The following PEAK1 variants were observed in gnomAD, a reference collection of about 807,000 sequenced individuals.
The protein encoded by PEAK1 is pseudopodium enriched atypical kinase 1.
A neutral mutation model predicts 124.7 loss-of-function variants in PEAK1; 54 were observed. The observed-to-expected ratio is 0.43, with a 90% CI of 0.35 to 0.54. The LOEUF (loss-of-function observed/expected upper bound fraction) is 0.54, where lower values mean the gene tolerates loss of function less well. Among genes scored for constraint, PEAK1 ranks in the 20% least tolerant of loss-of-function variants. The pLI, the probability that PEAK1 is intolerant of heterozygous loss-of-function variation, is 0.01. For missense variants in PEAK1, 2,046 were observed against 2,134.5 expected, an observed-to-expected ratio of 0.96 and a Z score of 0.82; for synonymous variants, 719 against 760.0, an observed-to-expected ratio of 0.95 and a Z score of 0.89.
chr15:77,323,153 A>G (rs1214616041), intron 2 of PEAK1, among the ~76,000 whole-genome samples: 4 of 152,334 alleles, frequency 2.6e-5, no homozygotes, highest in East Asian at 1.9e-4. Flanking sequence ...AGAGCTATCT[A>G]TGACAAACCC....
At chr15:77,403,929 G>T (rs2071586723) in intron 1 of PEAK1, 1 of 975,954 alleles carries the variant, frequency 1.0e-6, no homozygotes, top group African/African-American at 1.8e-5. Flanking sequence ...AGGTTCAGGG[G>T]ATACATTTAC....
At chr15:77,289,662 C>T (rs2063112311) in intron 2 of PEAK1, among the ~76,000 whole-genome samples, 3 of 152,094 alleles carry the variant, frequency 2.0e-5, no homozygotes, top group African/African-American at 7.2e-5. Context: ...ATGGTGAAAT[C>T]CCATCTCTAC....
At chr15:77,302,482 T>C (rs2063837728) in intron 2 of PEAK1, among the ~76,000 whole-genome samples, 2 of 152,186 alleles carry the variant, frequency 1.3e-5, no homozygotes, top group African/African-American at 2.4e-5. Context: ...ATTTTCTTAA[T>C]TGTTCAATTC....
rs191129317 is a variant in PEAK1, at chr15:77,356,962, G to T, written c.-603+8201C>A. On this transcript the variant is annotated intron_variant, in intron 2 of 9. Transcript: ENST00000682557. ...ATGGAAAAATCTCCAAGATACAGAA[G>T]TAAGTTTAAGAAGCAAAAAGTAGGC... 1.5e-4 allele frequency among the ~76,000 whole-genome samples: 23 copies of T among 152,340 alleles called. No homozygotes were observed. In the East Asian group the frequency reaches 3.7e-3, roughly 24 times the overall value.
intron 6 of PEAK1, among the ~76,000 whole-genome samples, chr15:77,251,958 G>T (rs1239951573): frequency 6.6e-6 from 1 of 152,200 alleles, no homozygotes; most frequent in Non-Finnish European, 1.5e-5. Flanking sequence ...AGCAGTCAAA[G>T]AGCTGTGATA....
intron 7 of PEAK1, among the ~76,000 whole-genome samples, chr15:77,176,150 C>T (rs912596808): frequency 1.3e-5 from 2 of 150,102 alleles, no homozygotes; most frequent in African/African-American, 4.9e-5. Flanking sequence ...ATACCTAATG[C>T]TAAATGACGA....
intron 6 of PEAK1, among the ~76,000 whole-genome samples, chr15:77,225,623 C>T (rs1389355207): frequency 2.4e-5 from 3 of 122,810 alleles, no homozygotes; most frequent in African/African-American, 8.9e-5. Context: ...GCAAGACTTT[C>T]TACAGATGTG....
intron 2 of PEAK1, among the ~76,000 whole-genome samples, chr15:77,361,787 T>C (rs754580781): frequency 2.6e-5 from 4 of 152,066 alleles, no homozygotes; most frequent in Non-Finnish European, 5.9e-5. Context: ...GTGTTTACTG[T>C]AGCACTACTG....
At chr15:77,304,195 A>C (rs1373589899) in intron 2 of PEAK1, among the ~76,000 whole-genome samples, 1 of 152,176 alleles carries the variant, frequency 6.6e-6, no homozygotes, top group East Asian at 1.9e-4. Flanking sequence ...CTTTAGAATC[A>C]GTTTGTTGAC....
At chr15:77,115,776 T>C (rs2051316260) in intron 9 of PEAK1, among the ~76,000 whole-genome samples, 1 of 152,166 alleles carries the variant, frequency 6.6e-6, no homozygotes, top group Non-Finnish European at 1.5e-5. Context: ...GAGACCAAAA[T>C]ACCTTATTTC....
rs139357433 is a variant in PEAK1 at position 77,120,806 on chromosome 15, T to G, written c.4078-5487A>C. On this transcript the variant is annotated intron_variant, in intron 9 of 9. Transcript: ENST00000682557. ...TCCCTTTCCAGTCCTACTTCCCACC[T>G]GTGTTCCATTTGCTCTTACTATATT... Among the ~76,000 whole-genome samples, 388 of 152,348 alleles carry G rather than the reference T, an allele frequency of 2.5e-3. 2 individuals are homozygous for G. Among genetic ancestry groups the G allele is most frequent in the African/African-American group, 8.6e-3 (359 of 41,586 alleles).
chr15:77,346,078 CACA>C (rs2066857878), intron 2 of PEAK1: 1 of 985,382 alleles, frequency 1.0e-6, no homozygotes, highest in Non-Finnish European at 1.2e-6. Context: ...TAATCGAAGG[CACA>C]ACGACTATGC....
Position 77,182,464 on chromosome 15 carries a change from G to A in PEAK1, c.-114-424C>T, listed in dbSNP as rs552131433. ...CTCAATGCATTGAAAATGAAGCTTC[G>A]GGGCTGGGTGCAGTGGCTCATGCCT... On this transcript the variant is annotated intron_variant, in intron 6 of 9. Transcript: ENST00000682557. Among the ~76,000 whole-genome samples the A allele has an allele frequency of 1.4e-3, 210 of 151,870 alleles. 1 individual carries two copies. Among genetic ancestry groups the A allele is most frequent in the African/African-American group, 4.9e-3 (201 of 41,418 alleles).
chr15:77,195,577 C>T (rs1262806728), intron 6 of PEAK1, among the ~76,000 whole-genome samples: 1 of 152,140 alleles, frequency 6.6e-6, no homozygotes, highest in East Asian at 1.9e-4. Context: ...CTCTTGACTT[C>T]TTTTGTTCTA....
chr15:77,203,152 G>A lies in PEAK1; in HGVS notation c.-114-21112C>T, dbSNP rs116532270. On this transcript the variant is annotated intron_variant, in intron 6 of 9. Transcript: ENST00000682557. ...TCTTAATGTTGAGTAGGCTGAGGAG[G>A]AGGAAGAAGAGTAGGGGTTGGTTTT... Among the ~76,000 whole-genome samples, 1,109 of 152,240 alleles carry A rather than the reference G, an allele frequency of 7.3e-3. 15 individuals carry two copies. The highest frequency in any genetic ancestry group is 0.025 in the African/African-American group (1,053 of 41,538).
intron 1 of PEAK1, among the ~76,000 whole-genome samples, chr15:77,366,102 A>T (rs891791573): frequency 1.3e-5 from 2 of 152,230 alleles, no homozygotes; most frequent in Non-Finnish European, 2.9e-5. Flanking sequence ...GATTATAGTC[A>T]TTGGCACCCT....
intron 2 of PEAK1, among the ~76,000 whole-genome samples, chr15:77,330,105 ACTG>A (rs1380016048): frequency 6.6e-6 from 1 of 152,116 alleles, no homozygotes; most frequent in Non-Finnish European, 1.5e-5. Flanking sequence ...GTTTTTTTTT[ACTG>A]CTTTTAAAAT....
chr15:77,297,942 C>T (rs1297665782), intron 2 of PEAK1, among the ~76,000 whole-genome samples: 1 of 142,442 alleles, frequency 7.0e-6, no homozygotes, highest in African/African-American at 2.6e-5. Context: ...CCTGTAGTCC[C>T]AGCTACTCGG....
intron 2 of PEAK1, among the ~76,000 whole-genome samples, chr15:77,318,856 T>C (rs1157016799): frequency 1.3e-5 from 2 of 152,134 alleles, no homozygotes; most frequent in South Asian, 2.1e-4. Flanking sequence ...ATAAACCTCC[T>C]AATTCTGAAC....
Sources: gnomAD v4.1 joint callset for allele counts (sites outside exome capture counted in the v4.1 genomes callset) on GRCh38, gnomAD v4.1.1 for gene constraint, MANE v1.5 for transcripts, NCBI Gene and HGNC (gene_info 2026-07-23, HGNC 2026-07-21) for gene names.